TBC1D5: variants seen among roughly 807,000 people sequenced by gnomAD.
TBC1D5 encodes the protein TBC1 domain family, member 5.
Under a neutral mutation model 100.3 loss-of-function variants are expected in TBC1D5, and 75 were observed. The observed-to-expected ratio is 0.75, with a 90% confidence interval of 0.62 to 0.91. The LOEUF is 0.91. TBC1D5 is among the 40% of genes least tolerant of loss of function. The pLI is 0.00. For synonymous variants in TBC1D5, 323 were observed against 325.6 expected (o/e 0.99, Z 0.09); for missense variants, 910 against 942.4 (o/e 0.97, Z 0.45).
At chr3:17,688,340 C>G (rs771694644) in intron 1 of TBC1D5, among the ~76,000 whole-genome samples, 34 of 152,054 alleles carry the variant, frequency 2.2e-4, no homozygotes, top group Non-Finnish European at 5.9e-5. Flanking sequence ...TGGTTTAGCT[C>G]TCCTTTGAGG....
At chr3:17,647,597 G>C (rs1361738697) in intron 1 of TBC1D5, among the ~76,000 whole-genome samples, 1 of 152,136 alleles carries the variant, frequency 6.6e-6, no homozygotes, top group Non-Finnish European at 1.5e-5. Flanking sequence ...CTGATGTGGA[G>C]CAGACTTGCA....
chr3:17,644,852 G>C (rs190974944), intron 1 of TBC1D5, among the ~76,000 whole-genome samples: 1 of 152,168 alleles, frequency 6.6e-6, no homozygotes, highest in Non-Finnish European at 1.5e-5. Flanking sequence ...GTCATGATTA[G>C]TCCTGGAAAC....
intron 2 of TBC1D5, among the ~76,000 whole-genome samples, chr3:17,509,997 C>T (rs1417697598): frequency 1.3e-5 from 2 of 151,908 alleles, no homozygotes; most frequent in African/African-American, 4.8e-5. Context: ...CAAATCATAA[C>T]TCTTTCAAAA....
intron 15 of TBC1D5, among the ~76,000 whole-genome samples, chr3:17,276,484 G>A (rs1247139434): frequency 6.6e-6 from 1 of 152,210 alleles, no homozygotes; most frequent in African/African-American, 2.4e-5. Context: ...CTGAGAAAGA[G>A]ACAAGAGACA....
intron 15 of TBC1D5, among the ~76,000 whole-genome samples, chr3:17,280,360 A>G (rs2080446699): frequency 6.6e-6 from 1 of 152,106 alleles, no homozygotes; most frequent in Non-Finnish European, 1.5e-5. Context: ...CCCACCCTTG[A>G]GCCTGGAGCT....
chr3:17,459,778 T>C (rs2095167552), intron 3 of TBC1D5, among the ~76,000 whole-genome samples: 1 of 152,110 alleles, frequency 6.6e-6, no homozygotes. Context: ...TTAATGATTA[T>C]TCACTGTTAA....
At chr3:17,179,582 G>A (rs554771975) in intron 19 of TBC1D5, among the ~76,000 whole-genome samples, 1 of 152,242 alleles carries the variant, frequency 6.6e-6, no homozygotes, top group South Asian at 2.1e-4. Context: ...CTAGATTCAG[G>A]TCTGGACTCT....
chr3:17,508,290 G>T (rs894732715), intron 3 of TBC1D5, among the ~76,000 whole-genome samples, 184 bp downstream of exon 3: 16 of 152,162 alleles, frequency 1.1e-4, no homozygotes, highest in Non-Finnish European at 5.9e-5. Flanking sequence ...AATAACTGTG[G>T]CTTGTTGAAG....
At chr3:17,427,897 G>A (rs1250684179) in intron 4 of TBC1D5, among the ~76,000 whole-genome samples, 2 of 151,800 alleles carry the variant, frequency 1.3e-5, no homozygotes, top group African/African-American at 4.8e-5. Context: ...AGAATATTAA[G>A]AAAGTACTAG....
intron 13 of TBC1D5, among the ~76,000 whole-genome samples, chr3:17,328,321 T>C (rs545833290): frequency 4.3e-4 from 66 of 152,052 alleles, no homozygotes; most frequent in Admixed American, 5.9e-4. Flanking sequence ...CAGCACACAC[T>C]ACAGATTTCT....
At chr3:17,297,465 A>T (rs968454679) in intron 14 of TBC1D5, among the ~76,000 whole-genome samples, 2 of 151,682 alleles carry the variant, frequency 1.3e-5, no homozygotes, top group Non-Finnish European at 2.9e-5. Context: ...AATCCCAGCT[A>T]CTCGGGAGGC....
chr3:17,195,890 G>A (rs1336809029), intron 18 of TBC1D5, among the ~76,000 whole-genome samples: 1 of 151,722 alleles, frequency 6.6e-6, no homozygotes, highest in East Asian at 1.9e-4. Flanking sequence ...CATCCCTTAA[G>A]TTATACCCCA....
intron 1 of TBC1D5, among the ~76,000 whole-genome samples, chr3:17,719,159 TAA>T (rs1303553736): frequency 6.6e-6 from 1 of 152,184 alleles, no homozygotes; most frequent in Non-Finnish European, 1.5e-5. Context: ...AATGGCTATT[TAA>T]GACAAAAAAA....
At chr3:17,443,393 T>C (rs1206564634) in intron 3 of TBC1D5, among the ~76,000 whole-genome samples, 1 of 152,198 alleles carries the variant, frequency 6.6e-6, no homozygotes, top group Non-Finnish European at 1.5e-5. Flanking sequence ...CCATAACTCA[T>C]ACCCTATAGT....
At chr3:17,412,607 T>C (rs377523545) in intron 4 of TBC1D5, among the ~76,000 whole-genome samples, 76 of 152,192 alleles carry the variant, frequency 5.0e-4, no homozygotes, top group African/African-American at 1.4e-3. Flanking sequence ...TATTCTTACA[T>C]AAAAAAATAT....
intron 4 of TBC1D5, among the ~76,000 whole-genome samples, chr3:17,407,946 C>T (rs2093817008): frequency 6.6e-6 from 1 of 152,098 alleles, no homozygotes; most frequent in African/African-American, 2.4e-5. Flanking sequence ...TATTAGTGAA[C>T]TAAAAATTGT....
intron 19 of TBC1D5, among the ~76,000 whole-genome samples, chr3:17,184,299 T>A (rs563899579): frequency 2.0e-4 from 30 of 152,254 alleles, no homozygotes; most frequent in African/African-American, 6.5e-4. Flanking sequence ...TAAGAAAAGG[T>A]CATGCATTTC....
At chr3:17,366,540 T>C (rs965631434) in intron 13 of TBC1D5, among the ~76,000 whole-genome samples, 1 of 152,176 alleles carries the variant, frequency 6.6e-6, no homozygotes, top group African/African-American at 2.4e-5. Flanking sequence ...AAGCAAGCTA[T>C]CATTGGATCG....
At chr3:17,298,494 T>C (rs115310568) in intron 14 of TBC1D5, among the ~76,000 whole-genome samples, 19 of 152,238 alleles carry the variant, frequency 1.2e-4, no homozygotes, top group African/African-American at 4.1e-4. Context: ...CAGTGAGGTG[T>C]CGGCCAACAA....
Sources: allele counts gnomAD v4.1 joint callset (sites outside exome capture counted in the v4.1 genomes callset), GRCh38; gene constraint gnomAD v4.1.1; transcripts MANE v1.5; gene names NCBI Gene and HGNC (gene_info 2026-07-23, HGNC 2026-07-21).